Variants in CERS6 observed in about 807,000 individuals in gnomAD.
The protein encoded by CERS6 is LAG1 homolog, ceramide synthase 6.
A neutral mutation model predicts 56.8 loss-of-function variants in CERS6; 26 were observed. That is an observed-to-expected ratio of 0.46 (90% CI 0.34 to 0.63). The LOEUF is 0.63. Among genes scored for constraint, CERS6 ranks in the 30% least tolerant of loss-of-function variants. The probability of loss-of-function intolerance (pLI) is 0.01; values close to 1 mark genes in which losing one functional copy is unlikely to be tolerated. For synonymous variants in CERS6, 164 were observed against 173.3 expected, an observed-to-expected ratio of 0.95 and a Z score of 0.42; for missense variants, 415 against 467.5, an observed-to-expected ratio of 0.89 and a Z score of 1.04.
Position 168,574,567 on chromosome 2 carries a change from C to T in CERS6, c.407+13245C>T, listed in dbSNP as rs116569639. ...TCATTTCCTTATCCATAAAACAAGG[C>T]GATAACCTTAAAAACCTGATAAAGT... On this transcript the variant is annotated intron_variant, in intron 3 of 9. Coordinates refer to ENST00000305747, the MANE Select transcript of CERS6 (RefSeq NM_203463.3). Among the ~76,000 whole-genome samples the T allele has an allele frequency of 2.7e-3, 412 of 152,060 alleles. 3 individuals carry two copies. The highest frequency in any genetic ancestry group is 8.8e-3 in the African/African-American group (367 of 41,488).
At chr2:168,666,279 A>G (rs999910772) in intron 4 of CERS6, among the ~76,000 whole-genome samples, 9 of 152,146 alleles carry the variant, frequency 5.9e-5, no homozygotes, top group African/African-American at 2.2e-4. Flanking sequence ...GGAGAGTAGC[A>G]TTGTTGCCTT....
At position 168,652,425 on chromosome 2, in the gene CERS6, A is replaced by G. The variant is rs1179392922; in HGVS notation, c.465+21383A>G. ...ATTTATTGCTTGATCTTAGGGATTAAGCCACGTAGCCAACACCTGAGCTGC... is the reference window on the plus strand; with the variant it reads ...ATTTATTGCTTGATCTTAGGGATTAGGCCACGTAGCCAACACCTGAGCTGC... On this transcript the variant is annotated intron_variant, in intron 4 of 9. Coordinates refer to ENST00000305747, the MANE Select transcript of CERS6 (RefSeq NM_203463.3). 2.6e-5 allele frequency among the ~76,000 whole-genome samples: 4 copies of G among 152,192 alleles called. No homozygotes were observed. The East Asian group carries it at 7.7e-4, about 29-fold the overall frequency.
intron 8 of CERS6, among the ~76,000 whole-genome samples, chr2:168,737,007 T>A (rs1213592442): frequency 1.3e-5 from 2 of 152,230 alleles, no homozygotes; most frequent in Non-Finnish European, 2.9e-5. Context: ...GCTAAGGGGA[T>A]CCGTTGGTGG....
At position 168,581,755 on chromosome 2, in the gene CERS6, AG is replaced by A. The variant is rs375702738; in HGVS notation, c.407+20434del. Among the ~76,000 whole-genome samples, 720 of 152,274 alleles carry A rather than the reference AG, an allele frequency of 4.7e-3. 8 individuals carry two copies. The highest frequency in any genetic ancestry group is 0.016 in the African/African-American group (673 of 41,558). ...TTTACAATCTGTATTTGACAGTTCC[AG>A]TATTTGCGGGTGTGTTTCTGATTCT... On this transcript the variant is annotated intron_variant, in intron 3 of 9. Coordinates refer to ENST00000305747, the MANE Select transcript of CERS6 (RefSeq NM_203463.3).
In CERS6 at chr2:168,524,084, A is replaced by C. The variant is rs145926145; in HGVS notation, c.171-23512A>C. Among the ~76,000 whole-genome samples, 194 of 152,304 alleles carry C rather than the reference A, an allele frequency of 1.3e-3. 1 individual carries two copies. Among genetic ancestry groups the C allele is most frequent in the African/African-American group, 4.3e-3 (179 of 41,566 alleles). On this transcript the variant is annotated intron_variant, in intron 1 of 9. Transcript: ENST00000305747. ...TCAACTCATTCAAGGGCCACCCTGGACTGCATTTAAAGTTGAATGTTGAGT... is the reference window on the plus strand; with the variant it reads ...TCAACTCATTCAAGGGCCACCCTGGCCTGCATTTAAAGTTGAATGTTGAGT...
At chr2:168,566,663 C>T (rs1695888763) in intron 3 of CERS6, among the ~76,000 whole-genome samples, 1 of 152,012 alleles carries the variant, frequency 6.6e-6, no homozygotes, top group South Asian at 2.1e-4. Flanking sequence ...TAATTGATGA[C>T]AGGGGAAGGG....
At chr2:168,702,566 A>G (rs182132720) in intron 6 of CERS6, among the ~76,000 whole-genome samples, 15 of 152,328 alleles carry the variant, frequency 9.8e-5, no homozygotes, top group Admixed American at 9.8e-4. Flanking sequence ...TGGTAGTGAT[A>G]TTAACAAATG....
Position 168,621,548 on chromosome 2 carries a change from G to A in CERS6, c.408-9437G>A, listed in dbSNP as rs146956196. On this transcript the variant is annotated intron_variant, in intron 3 of 9. Coordinates refer to ENST00000305747, the MANE Select transcript of CERS6 (RefSeq NM_203463.3). ...CTAATAGAATGACATTGAATTTTTT[G>A]CAGATGTATTTTGAATAGATTATAG... Among the ~76,000 whole-genome samples, 3 of 152,282 alleles carry A rather than the reference G, an allele frequency of 2.0e-5. No homozygotes were observed. The East Asian group carries it at 5.8e-4, about 29-fold the overall frequency.
chr2:168,576,967 G>A (rs1029476507), intron 3 of CERS6, among the ~76,000 whole-genome samples: 2 of 152,120 alleles, frequency 1.3e-5, no homozygotes, highest in Admixed American at 1.3e-4. Flanking sequence ...AACCTGGGGA[G>A]AAGTCCAGGA....
At chr2:168,700,101 C>T (rs1686767464) in intron 6 of CERS6, among the ~76,000 whole-genome samples, 2 of 151,462 alleles carry the variant, frequency 1.3e-5, no homozygotes, top group South Asian at 4.2e-4. Context: ...TGGTCTTAAA[C>T]CCGAGAGAAA....
intron 4 of CERS6, among the ~76,000 whole-genome samples, chr2:168,675,478 TG>T (rs1247556796): frequency 6.6e-6 from 1 of 151,430 alleles, no homozygotes; most frequent in Non-Finnish European, 1.5e-5. Flanking sequence ...TCCAGCTACT[TG>T]GGGGGCTGAG....
At chr2:168,731,781 C>T (rs1342681703) in intron 8 of CERS6, among the ~76,000 whole-genome samples, 1 of 152,096 alleles carries the variant, frequency 6.6e-6, no homozygotes, top group Admixed American at 6.5e-5. Context: ...AATTAGGTGC[C>T]CAACCTCAAA....
At chr2:168,634,670 C>G (rs1296182088) in intron 4 of CERS6, among the ~76,000 whole-genome samples, 1 of 152,170 alleles carries the variant, frequency 6.6e-6, no homozygotes, top group African/African-American at 2.4e-5. Flanking sequence ...GCCTCGGCCT[C>G]CCAAAGTGCT....
At chr2:168,625,006 T>C (rs2105289023) in intron 3 of CERS6, among the ~76,000 whole-genome samples, 1 of 152,310 alleles carries the variant, frequency 6.6e-6, no homozygotes, top group South Asian at 2.1e-4. Flanking sequence ...TGTAATAATT[T>C]GTGAGATACA....
At position 168,558,473 on chromosome 2, in the gene CERS6, C is replaced by T. The variant is rs561742631; in HGVS notation, c.277-2719C>T. On this transcript the variant is annotated intron_variant, in intron 2 of 9. Transcript: ENST00000305747. ...CAATATACATTGTAAGGTAAAAAAC[C>T]CAAAGCCCGGACAAATGTCTGTAGT... Among the ~76,000 whole-genome samples, 16 of 152,206 alleles carry T rather than the reference C, an allele frequency of 1.1e-4. No homozygotes were observed. The South Asian group carries it at 3.1e-3, about 30-fold the overall frequency.
chr2:168,639,264 A>G (rs921128464), intron 4 of CERS6, among the ~76,000 whole-genome samples: 32 of 152,108 alleles, frequency 2.1e-4, no homozygotes, highest in Non-Finnish European at 2.8e-4. Flanking sequence ...ATTAGTATTC[A>G]CCTCCTGTTT....
chr2:168,743,595 A>G (rs185143341), intron 8 of CERS6, among the ~76,000 whole-genome samples: 9 of 152,328 alleles, frequency 5.9e-5, no homozygotes, highest in Non-Finnish European at 1.3e-4. Context: ...TGACATGAAA[A>G]TATTTTATAT....
At chr2:168,551,905 T>C (rs1423131113) in intron 2 of CERS6, among the ~76,000 whole-genome samples, 1 of 152,232 alleles carries the variant, frequency 6.6e-6, no homozygotes, top group Non-Finnish European at 1.5e-5. Context: ...AATATGCTTT[T>C]AACTTTTGGG....
In CERS6 at chr2:168,770,707, G is replaced by C. The variant is rs1020616964; in HGVS notation, c.*1045G>C. On this transcript the variant is annotated 3_prime_UTR_variant, in exon 10 of 10. Coordinates refer to ENST00000305747, the MANE Select transcript of CERS6 (RefSeq NM_203463.3). ...AGCTTTCAAGAAAAAGCCCTATCTA[G>C]TACTTGATGTTGATGTTTTTATTTT... 3 of 152,652 alleles carry C rather than the reference G, an allele frequency of 2.0e-5. No homozygotes were observed. Among genetic ancestry groups the C allele is most frequent in the East Asian group, 1.9e-4 (1 of 5,202 alleles). 9.5% of individuals were successfully genotyped at this position (152,652 alleles called of 1,614,324 possible). A position where few individuals can be genotyped will look rare whatever the true frequency, so the allele number is the denominator to read the frequency against.
Sources: gnomAD v4.1 joint callset for allele counts (sites outside exome capture counted in the v4.1 genomes callset) on GRCh38, gnomAD v4.1.1 for gene constraint, MANE v1.5 for transcripts, NCBI Gene and HGNC (gene_info 2026-07-23, HGNC 2026-07-21) for gene names.